Variants in PDE1C observed in about 807,000 individuals in gnomAD.
PDE1C encodes the protein dual specificity calcium/calmodulin-dependent 3',5'-cyclic nucleotide phosphodiesterase 1C.
A neutral mutation model predicts 93.1 loss-of-function variants in PDE1C; 62 were observed. The observed-to-expected ratio is 0.67, with a 90% CI of 0.54 to 0.82. PDE1C has a LOEUF of 0.82. PDE1C is among the 40% of genes least tolerant of loss of function. The pLI, the probability that PDE1C is intolerant of heterozygous loss-of-function variation, is 0.00. For missense variants in PDE1C, 742 were observed against 884.6 expected (o/e 0.84, Z 2.04); for synonymous variants, 325 against 310.1 (o/e 1.05, Z -0.50).
chr7:31,775,819 G>T, intron 16 of PDE1C, 87 bp from the exon 17 acceptor site: 1 of 1,128,740 alleles, frequency 8.9e-7, no homozygotes, highest in Non-Finnish European at 1.3e-6. Context: ...ATGTTATCAA[G>T]TTGGGGTCTG....
chr7:32,201,428 A>G (rs1355849952), intron 2 of PDE1C, among the ~76,000 whole-genome samples: 1 of 152,246 alleles, frequency 6.6e-6, no homozygotes, highest in Non-Finnish European at 1.5e-5. Flanking sequence ...AAGCGTGTAC[A>G]CATGTAGCAA....
intron 1 of PDE1C, among the ~76,000 whole-genome samples, chr7:32,282,485 A>AATAGATAGATAGATAAATAGATAG (rs1811717367): frequency 7.0e-6 from 1 of 143,860 alleles, no homozygotes; most frequent in South Asian, 2.3e-4. Flanking sequence ...TCAAAAAAAA[A>AATAGATAGATAGATAAATAGATAG]ATAGATAGAT....
chr7:32,230,268 G>A (rs577109147), intron 1 of PDE1C, among the ~76,000 whole-genome samples: 5 of 152,262 alleles, frequency 3.3e-5, no homozygotes, highest in Admixed American at 1.3e-4. Flanking sequence ...CTGGGCTCAC[G>A]CCAAGGTGAT....
At chr7:32,318,082 A>G (rs982579348) in intron 1 of PDE1C, among the ~76,000 whole-genome samples, 1 of 152,202 alleles carries the variant, frequency 6.6e-6, no homozygotes, top group Non-Finnish European at 1.5e-5. Flanking sequence ...ATGCGTAACA[A>G]CACTTCATAA....
rs576133134 is a variant in PDE1C at position 31,843,013 on chromosome 7, T to A, written c.980+4955A>T. ...CCACAAATGATTTAGAAGAATGTTGTTTAATTTTCAAATATACAGGATTTT... is the reference window on the plus strand; with the variant it reads ...CCACAAATGATTTAGAAGAATGTTGATTAATTTTCAAATATACAGGATTTT... On this transcript the variant is annotated intron_variant, in intron 9 of 17. Coordinates refer to ENST00000396191, the MANE Select transcript of PDE1C (RefSeq NM_001191057.4). Among the ~76,000 whole-genome samples, 3 of 152,110 alleles carry A rather than the reference T, an allele frequency of 2.0e-5. No individual in the cohort carries two copies. In the South Asian group the frequency reaches 6.2e-4, roughly 32 times the overall value.
the PDE1C span, among the ~76,000 whole-genome samples, chr7:31,720,116 T>C: frequency 7.3e-6 from 1 of 136,406 alleles, no homozygotes; most frequent in Middle Eastern, 3.8e-3. Context: ...TGAGCCGAGA[T>C]TGCGCCACTG....
Position 32,145,924 on chromosome 7 carries a change from T to C in PDE1C, c.308+23861A>G, listed in dbSNP as rs138530217. Among the ~76,000 whole-genome samples, 1,178 of 152,258 alleles carry C rather than the reference T, an allele frequency of 7.7e-3. 9 individuals carry two copies. The highest frequency in any genetic ancestry group is 0.027 in the African/African-American group (1,142 of 41,540). On this transcript the variant is annotated intron_variant, in intron 3 of 18. Transcript: ENST00000396193. The stretch of plus-strand genomic sequence containing the variant: ...GCTCATTATCTGCAGTAAAAATAAA[T>C]CAGTGAAAACTGTACCCTCAATCTG...
chr7:32,348,906 A>G (rs1783905055), intron 1 of PDE1C, among the ~76,000 whole-genome samples: 1 of 152,102 alleles, frequency 6.6e-6, no homozygotes, highest in African/African-American at 2.4e-5. Flanking sequence ...GCAACCAAGA[A>G]CTGGTTACTG....
At chr7:31,833,315 T>C (rs944539178) in intron 11 of PDE1C, among the ~76,000 whole-genome samples, 2 of 152,202 alleles carry the variant, frequency 1.3e-5, no homozygotes, top group South Asian at 2.1e-4. Flanking sequence ...GTATTCTTTA[T>C]CAGCAGCGTG....
intron 1 of PDE1C, among the ~76,000 whole-genome samples, chr7:32,246,259 A>T (rs1808944813): frequency 6.6e-6 from 1 of 152,050 alleles, no homozygotes; most frequent in Non-Finnish European, 1.5e-5. Flanking sequence ...GTGAGCCACC[A>T]TTCCTGGCCA....
intron 1 of PDE1C, among the ~76,000 whole-genome samples, chr7:32,315,797 A>T (rs1355235860): frequency 6.6e-6 from 1 of 152,104 alleles, no homozygotes; most frequent in Non-Finnish European, 1.5e-5. Context: ...GGTGTTCGAG[A>T]CCAGCCTAAC....
intron 10 of PDE1C, 128 bp from the exon 11 acceptor site, chr7:31,837,428 G>A: frequency 2.4e-6 from 2 of 822,366 alleles, no homozygotes; most frequent in African/African-American, 1.7e-5. Context: ...CAGCTAAATT[G>A]AGGAAAAGAC....
the PDE1C span, among the ~76,000 whole-genome samples, chr7:31,684,932 A>G: frequency 6.6e-6 from 1 of 152,226 alleles, no homozygotes; most frequent in Non-Finnish European, 1.5e-5. Context: ...ATGTTCACGC[A>G]AAAGCCTCTC....
chr7:31,617,271 G>A, the PDE1C span, among the ~76,000 whole-genome samples: 1 of 152,230 alleles, frequency 6.6e-6, no homozygotes, highest in South Asian at 2.1e-4. Flanking sequence ...ATTTAACTTT[G>A]CAAAGGGGAT....
intron 3 of PDE1C, among the ~76,000 whole-genome samples, chr7:32,103,586 T>C (rs1216207907): frequency 1.3e-5 from 2 of 152,204 alleles, no homozygotes; most frequent in African/African-American, 2.4e-5. Flanking sequence ...GTTGCTCAAC[T>C]GCCCTACAGG....
At chr7:32,076,504 A>C (rs771223628) in intron 3 of PDE1C, among the ~76,000 whole-genome samples, 8 of 151,996 alleles carry the variant, frequency 5.3e-5, no homozygotes, top group Non-Finnish European at 8.8e-5. Flanking sequence ...TTAGCTGGGC[A>C]TGGTGGCACA....
the PDE1C span, among the ~76,000 whole-genome samples, chr7:31,717,737 C>T: frequency 5.3e-5 from 8 of 152,154 alleles, no homozygotes; most frequent in Admixed American, 4.6e-4. Context: ...TGCTTTTATT[C>T]ATAGTAATGA....
At chr7:31,629,602 C>T in the PDE1C span, among the ~76,000 whole-genome samples, 6 of 152,150 alleles carry the variant, frequency 3.9e-5, no homozygotes, top group Admixed American at 2.6e-4. Flanking sequence ...GGAAGCAGTG[C>T]GAATTTTATC....
At chr7:31,616,860 A>ACAGATACCAGATAC in the PDE1C span, among the ~76,000 whole-genome samples, 1 of 151,438 alleles carries the variant, frequency 6.6e-6, no homozygotes, top group African/African-American at 2.4e-5. Flanking sequence ...ACCTCTCTTA[A>ACAGATACCAGATAC]CAGATACCAG....
Sources: allele counts gnomAD v4.1 joint callset (sites outside exome capture counted in the v4.1 genomes callset), GRCh38; gene constraint gnomAD v4.1.1; transcripts MANE v1.5; gene names NCBI Gene and HGNC (gene_info 2026-07-23, HGNC 2026-07-21).